PIK3C2G: variants seen among roughly 807,000 people sequenced by gnomAD.
PIK3C2G encodes the protein phosphatidylinositol 3-kinase C2 domain-containing subunit gamma.
A neutral mutation model predicts 181.1 loss-of-function variants in PIK3C2G; 168 were observed. The observed-to-expected ratio is 0.93, with a 90% CI of 0.82 to 1.05. The LOEUF (loss-of-function observed/expected upper bound fraction) is 1.05, where lower values mean the gene tolerates loss of function less well. PIK3C2G is among the 50% of genes least tolerant of loss of function. The probability of loss-of-function intolerance (pLI) is 0.00; values close to 1 mark genes in which losing one functional copy is unlikely to be tolerated. For synonymous variants in PIK3C2G, 573 were observed against 592.2 expected (o/e 0.97, Z 0.47); for missense variants, 1,869 against 1,732.8 (o/e 1.08, Z -1.40).
chr12:18,385,097 G>C (rs1158491689), intron 14 of PIK3C2G, among the ~76,000 whole-genome samples: 1 of 152,120 alleles, frequency 6.6e-6, no homozygotes, highest in African/African-American at 2.4e-5. Context: ...ATCTGGCTGA[G>C]TTAGAAAATC....
chr12:18,381,547 T>C lies in PIK3C2G; in HGVS notation c.1881-219T>C, dbSNP rs1188813730. ...ATAATTTTCTCATGTGCAAAATAAA[T>C]GTAGGCATTTATGAAAATAGCCAAG... is the stretch of plus-strand genomic sequence containing the variant. On this transcript the variant is annotated intron_variant, in intron 13 of 32. Transcript: ENST00000538779. Among the ~76,000 whole-genome samples the C allele has an allele frequency of 1.2e-4, 19 of 152,198 alleles. 1 individual carries two copies. The highest frequency in any genetic ancestry group is 1.2e-3 in the Admixed American group (19 of 15,272).
At chr12:18,418,345 A>T (rs11044093) in intron 16 of PIK3C2G, among the ~76,000 whole-genome samples, 36,910 of 151,882 alleles carry the variant, frequency 0.24, 4,791 homozygotes, top group Admixed American at 0.35. Flanking sequence ...TTCCAGCAGA[A>T]GTTACAGTGT....
chr12:18,405,735 A>G (rs1944494754), intron 16 of PIK3C2G, among the ~76,000 whole-genome samples: 1 of 152,134 alleles, frequency 6.6e-6, no homozygotes, highest in African/African-American at 2.4e-5. Flanking sequence ...TATCAATGAG[A>G]GCAGTTTTTT....
chr12:18,535,689 C>T (rs1253307065), intron 24 of PIK3C2G, among the ~76,000 whole-genome samples: 1 of 151,946 alleles, frequency 6.6e-6, no homozygotes, highest in Non-Finnish European at 1.5e-5. Context: ...ATATAGTAAA[C>T]ACAGCATAGA....
chr12:18,294,062 A>T, intron 5 of PIK3C2G, 47 bp downstream of exon 5: 1 of 803,498 alleles, frequency 1.2e-6, no homozygotes, highest in Non-Finnish European at 2.1e-6. Context: ...TGTAAATATT[A>T]AGTTACCACT....
At chr12:18,555,421 G>A (rs1944954828) in intron 26 of PIK3C2G, among the ~76,000 whole-genome samples, 2 of 152,060 alleles carry the variant, frequency 1.3e-5, no homozygotes, top group African/African-American at 4.8e-5. Flanking sequence ...TCAGAGCTCT[G>A]GATTCAACTC....
intron 18 of PIK3C2G, among the ~76,000 whole-genome samples, chr12:18,433,207 T>C (rs568629009): frequency 1.3e-5 from 2 of 152,152 alleles, no homozygotes; most frequent in Non-Finnish European, 2.9e-5. Context: ...TTATAGTGTC[T>C]AATTGATATT....
chr12:18,355,226 A>C (rs1357082049), intron 11 of PIK3C2G, among the ~76,000 whole-genome samples: 1 of 152,190 alleles, frequency 6.6e-6, no homozygotes, highest in Non-Finnish European at 1.5e-5. Flanking sequence ...AACAAAAGGT[A>C]TTTCAGGGTC....
chr12:18,589,197 G>C (rs1418162254), intron 29 of PIK3C2G, among the ~76,000 whole-genome samples: 1 of 151,760 alleles, frequency 6.6e-6, no homozygotes, highest in African/African-American at 2.4e-5. Context: ...TTTAAAAAAA[G>C]AAAGAAGATT....
In PIK3C2G at chr12:18,596,914, A is replaced by G. The variant is rs116871761; in HGVS notation, c.4087+2345A>G. Among the ~76,000 whole-genome samples, 21 of 152,280 alleles carry G rather than the reference A, an allele frequency of 1.4e-4. No individual in the cohort carries two copies. The East Asian group carries it at 3.9e-3, about 28-fold the overall frequency. ...AGTGTAAGAATAGAACTATTTAAAA[A>G]TAAATATTTGTGTTAAGTTGTTTCT... is the stretch of plus-strand genomic sequence containing the variant. On this transcript the variant is annotated intron_variant, in intron 30 of 32. Transcript: ENST00000538779.
intron 18 of PIK3C2G, among the ~76,000 whole-genome samples, chr12:18,428,021 T>C (rs1188463057): frequency 6.6e-6 from 1 of 152,122 alleles, no homozygotes; most frequent in Non-Finnish European, 1.5e-5. Flanking sequence ...GATTATTTCA[T>C]CACCCAGGTA....
the PIK3C2G span, chr12:18,684,398 A>G: frequency 6.5e-6 from 6 of 924,074 alleles, no homozygotes; most frequent in South Asian, 1.7e-5. Context: ...TCTTGTGTTT[A>G]GAGCACATAG....
At chr12:18,567,550 T>C (rs1046868078) in intron 29 of PIK3C2G, among the ~76,000 whole-genome samples, 1 of 151,912 alleles carries the variant, frequency 6.6e-6, no homozygotes, top group Non-Finnish European at 1.5e-5. Context: ...TGAAATAATA[T>C]GTGATAAATG....
chr12:18,534,085 G>A (rs1565483916), intron 24 of PIK3C2G, among the ~76,000 whole-genome samples: 1 of 151,262 alleles, frequency 6.6e-6, no homozygotes, highest in Non-Finnish European at 1.5e-5. Flanking sequence ...GAGTAGCTGG[G>A]ATTACAGGTG....
chr12:18,692,298 T>C, the PIK3C2G span, among the ~76,000 whole-genome samples: 5 of 152,146 alleles, frequency 3.3e-5, no homozygotes, highest in Admixed American at 6.6e-5. Flanking sequence ...AGCCACTCTA[T>C]TGATTTGCAA....
At chr12:18,685,732 C>T in the PIK3C2G span, 8 of 476,890 alleles carry the variant, frequency 1.7e-5, no homozygotes, top group East Asian at 4.0e-4. Context: ...TGCAAAACAT[C>T]TGCAGAAATG....
intron 22 of PIK3C2G, among the ~76,000 whole-genome samples, chr12:18,499,047 C>A (rs1941225551): frequency 6.6e-6 from 1 of 152,124 alleles, no homozygotes; most frequent in Non-Finnish European, 1.5e-5. Flanking sequence ...AATTACTGAT[C>A]CCAGTGGAAT....
At chr12:18,322,656 G>A (rs1215027630) in intron 7 of PIK3C2G, among the ~76,000 whole-genome samples, 3 of 152,032 alleles carry the variant, frequency 2.0e-5, no homozygotes, top group African/African-American at 7.2e-5. Context: ...ACTAAAATCA[G>A]GTCTGCCTGA....
chr12:18,638,898 A>AAGACAGAGAGTT (rs1949715878), intron 31 of PIK3C2G, among the ~76,000 whole-genome samples: 1 of 151,570 alleles, frequency 6.6e-6, no homozygotes, highest in African/African-American at 2.4e-5. Flanking sequence ...CAAAACAGAT[A>AAGACAGAGAGTT]AGACAGAGAG....
Sources: gnomAD v4.1 joint callset for allele counts (sites outside exome capture counted in the v4.1 genomes callset) on GRCh38, gnomAD v4.1.1 for gene constraint, MANE v1.5 for transcripts, NCBI Gene and HGNC (gene_info 2026-07-23, HGNC 2026-07-21) for gene names.